MCF2L: variants seen among roughly 807,000 people sequenced by gnomAD.
MCF2L encodes guanine nucleotide exchange factor DBS.
Under a neutral mutation model 153.4 loss-of-function variants are expected in MCF2L, and 97 were observed. The ratio of observed to expected loss-of-function variants is 0.63; its 90% confidence interval spans 0.54 to 0.75. The LOEUF (loss-of-function observed/expected upper bound fraction) is 0.75. Ranked by LOEUF, MCF2L falls within the 30% of genes least tolerant of loss-of-function variation. The pLI, the probability that MCF2L is intolerant of heterozygous loss-of-function variation, is 0.00. For missense variants in MCF2L, 1,347 were observed against 1,495.2 expected, an observed-to-expected ratio of 0.90 and a Z score of 1.64; for synonymous variants, 659 against 632.2, an observed-to-expected ratio of 1.04 and a Z score of -0.64.
chr13:112,938,298 G>C (rs1334130298), intron 2 of MCF2L, among the ~76,000 whole-genome samples: 2 of 151,760 alleles, frequency 1.3e-5, no homozygotes, highest in South Asian at 4.2e-4. Flanking sequence ...GTTGGTTCAG[G>C]TGAGCTCTGA....
At chr13:112,965,585 A>T (rs2140775803), upstream of MCF2L, 1 of 152,286 alleles carries the variant, frequency 6.6e-6, no homozygotes, top group African/African-American at 2.4e-5. Context: ...CCCTCCCAAG[A>T]CATGGAGTGA....
chr13:112,904,610 C>T lies in MCF2L; in HGVS notation c.169+2239C>T, dbSNP rs1256237765. On this transcript the variant is annotated intron_variant, in intron 2 of 29. Transcript: ENST00000375608. The surrounding 1 kb of genome is among the most constrained non-coding windows in gnomAD (Gnocchi z 4.2). ...CCAGGGCTGGCTTTACCAAGAAAGC[C>T]CTTTAGGCAGCTTCCCTCCAACCCT... is the stretch of plus-strand genomic sequence containing the variant. Among the ~76,000 whole-genome samples the T allele has an allele frequency of 6.6e-6, 1 of 152,250 alleles. No individual in the cohort carries two copies. The highest frequency in any genetic ancestry group is 2.4e-5 in the African/African-American group (1 of 41,458).
chr13:113,022,800 G>A (rs955129282), intron 2 of MCF2L, among the ~76,000 whole-genome samples: 1 of 152,236 alleles, frequency 6.6e-6, no homozygotes, highest in Non-Finnish European at 1.5e-5. Flanking sequence ...GAGGCTTGTC[G>A]TACTCGCACA....
In MCF2L at chr13:112,932,864, C is replaced by T. The variant is rs1008857415; in HGVS notation, c.169+30493C>T. 3.9e-5 allele frequency among the ~76,000 whole-genome samples: 6 copies of T among 152,116 alleles called. No individual in the cohort carries two copies. Among genetic ancestry groups the T allele is most frequent in the African/African-American group, 1.4e-4 (6 of 41,402 alleles). Reference sequence around the variant, plus strand: ...TGGCCAACATGGTGAAACCCCGTCTCTACTAAAAATACAAAAATTAGCCTG... The same window carrying T: ...TGGCCAACATGGTGAAACCCCGTCTTTACTAAAAATACAAAAATTAGCCTG... On this transcript the variant is annotated intron_variant, in intron 2 of 29. Coordinates refer to the MCF2L transcript ENST00000375608. The surrounding 1 kb of genome is among the most constrained non-coding windows in gnomAD (Gnocchi z 4.6).
At chr13:113,065,157 C>G in intron 7 of MCF2L, 72 bp downstream of exon 7, 1 of 1,551,938 alleles carries the variant, frequency 6.4e-7, no homozygotes, top group Non-Finnish European at 8.8e-7. Flanking sequence ...GGGCTCCGGT[C>G]GGAAGCTGCG....
Position 113,045,428 on chromosome 13 carries a change from C to T in MCF2L, c.369+67C>T, listed in dbSNP as rs1231689420. The stretch of plus-strand genomic sequence containing the variant: ...CTGGGCTGCATGACCGCATGGTGCC[C>T]TTCCTCTGTGTCTGCCGCAGTTCCT... On this transcript the variant is annotated intron_variant, in intron 4 of 29. Transcript: ENST00000535094. This position sits in a 1 kb window ranked among gnomAD's most constrained non-coding sequence, Gnocchi z 4.2. 6.1e-6 allele frequency: 8 copies of T among 1,314,844 alleles called. 1 individual carries two copies. In the South Asian group the frequency reaches 8.3e-5, roughly 14 times the overall value. The allele number at this position is 1,314,844 out of a possible 1,614,324, so 81.4% of individuals were successfully genotyped here.
intron 26 of MCF2L, among the ~76,000 whole-genome samples, chr13:113,092,248 C>T (rs747166638): frequency 3.2e-4 from 48 of 152,238 alleles, no homozygotes; most frequent in Admixed American, 2.0e-3. Context: ...TGGCCAAGCT[C>T]AGCCTCTGCT....
chr13:112,918,794 G>A (rs1443041955), intron 2 of MCF2L, among the ~76,000 whole-genome samples: 3 of 152,212 alleles, frequency 2.0e-5, no homozygotes, highest in African/African-American at 2.4e-5. Context: ...CTGGAGAGTC[G>A]TTTTGGTAAG....
At position 112,943,902 on chromosome 13, in the gene MCF2L, T is replaced by C. The variant is rs1329754448; in HGVS notation, c.169+41531T>C. On this transcript the variant is annotated intron_variant, in intron 2 of 29. Coordinates refer to the MCF2L transcript ENST00000375608. The surrounding 1 kb of genome is among the most constrained non-coding windows in gnomAD (Gnocchi z 4.2). ...GAACTGAGAACTGAGAGGGAGACGCTCTCGGGCCTCTCAGACCAGCATTGA... is the reference window on the plus strand; with the variant it reads ...GAACTGAGAACTGAGAGGGAGACGCCCTCGGGCCTCTCAGACCAGCATTGA... Among the ~76,000 whole-genome samples the C allele has an allele frequency of 1.3e-5, 2 of 150,384 alleles. No individual in the cohort carries two copies. Among genetic ancestry groups the C allele is most frequent in the African/African-American group, 2.5e-5 (1 of 40,206 alleles).
chr13:113,090,869 C>CT (rs2035137655), intron 26 of MCF2L: 1 of 1,160,764 alleles, frequency 8.6e-7, no homozygotes, highest in Non-Finnish European at 1.1e-6. Flanking sequence ...GAAAACGTCC[C>CT]TAGAGACGGG....
chr13:113,026,340 C>T (rs1426732953), intron 3 of MCF2L, among the ~76,000 whole-genome samples: 4 of 151,996 alleles, frequency 2.6e-5, no homozygotes, highest in South Asian at 2.1e-4. Context: ...CATTGAGTTC[C>T]CCGTGGCTTT....
chr13:112,900,315 G>A, intron 1 of MCF2L, among the ~76,000 whole-genome samples: 1 of 152,226 alleles, frequency 6.6e-6, no homozygotes, highest in Non-Finnish European at 1.5e-5. Context: ...AGATGAAGCA[G>A]GTGCCCGGAC....
Position 112,907,415 on chromosome 13 carries a change from C to T in MCF2L, c.169+5044C>T, listed in dbSNP as rs9603996. Among the ~76,000 whole-genome samples, 979 of 152,164 alleles carry T rather than the reference C, an allele frequency of 6.4e-3. 16 individuals carry two copies. The highest frequency in any genetic ancestry group is 0.022 in the African/African-American group (918 of 41,494). On this transcript the variant is annotated intron_variant, in intron 2 of 29. Transcript: ENST00000375608. This position sits in a 1 kb window ranked among gnomAD's most constrained non-coding sequence, Gnocchi z 5.1. ...TAGTCGTGGCTTGGTGGAGAATCCT[C>T]GGTGTTTGTGGCATGGATCGTAGTC...
intron 2 of MCF2L, among the ~76,000 whole-genome samples, chr13:113,020,861 T>C (rs368947153): frequency 2.1e-3 from 310 of 146,666 alleles, no homozygotes; most frequent in African/African-American, 7.4e-3. Flanking sequence ...GTATGTGTAG[T>C]GTGTATATGT....
intron 1 of MCF2L, among the ~76,000 whole-genome samples, chr13:112,992,271 T>C (rs2082923983): frequency 6.6e-6 from 1 of 152,248 alleles, no homozygotes; most frequent in Admixed American, 6.5e-5. Context: ...CCGAAACATT[T>C]CTGGCCTTAA....
intron 3 of MCF2L, among the ~76,000 whole-genome samples, chr13:113,025,702 G>A (rs2085221637): frequency 8.1e-6 from 1 of 123,938 alleles, no homozygotes. Flanking sequence ...GGGTCCCCGT[G>A]ACTGTGGGTC....
intron 2 of MCF2L, among the ~76,000 whole-genome samples, chr13:112,942,711 A>C (rs2081588751): frequency 6.6e-6 from 1 of 152,218 alleles, no homozygotes; most frequent in Non-Finnish European, 1.5e-5. Context: ...AAACGAAGTG[A>C]ATGAGTTCAG....
chr13:112,906,261 C>T (rs929096558), intron 2 of MCF2L, among the ~76,000 whole-genome samples: 5 of 152,234 alleles, frequency 3.3e-5, no homozygotes, highest in African/African-American at 1.2e-4. Flanking sequence ...TCCGAGGGGA[C>T]ACACTGCAGA....
intron 3 of MCF2L, chr13:113,042,402 A>C (rs1200927885): frequency 6.6e-6 from 1 of 152,206 alleles, no homozygotes; most frequent in East Asian, 1.9e-4. Flanking sequence ...TTTCACTTGC[A>C]ATTTTGACTT....
Sources: gnomAD v4.1 joint callset for allele counts (sites outside exome capture counted in the v4.1 genomes callset) on GRCh38, gnomAD v4.1.1 for gene constraint, Gnocchi (gnomAD v3.1) non-coding constraint, MANE v1.5 for transcripts, NCBI Gene and HGNC (gene_info 2026-07-23, HGNC 2026-07-21) for gene names.